Variants in SPATA17 observed in about 807,000 individuals in gnomAD.
The protein encoded by SPATA17 is spermatogenesis associated 17.
A neutral mutation model predicts 62.2 loss-of-function variants in SPATA17; 53 were observed. That is an observed-to-expected ratio of 0.85 (90% CI 0.68 to 1.07). The LOEUF (loss-of-function observed/expected upper bound fraction) is 1.07, where lower values mean the gene tolerates loss of function less well. Ranked by LOEUF, SPATA17 falls within the 50% of genes least tolerant of loss-of-function variation. SPATA17 has a pLI of 0.00. For missense variants in SPATA17, 466 were observed against 425.5 expected, an observed-to-expected ratio of 1.10 and a Z score of -0.84; for synonymous variants, 146 against 146.8, an observed-to-expected ratio of 0.99 and a Z score of 0.04.
At chr1:217,648,493 C>A (rs1252554555) in intron 1 of SPATA17, among the ~76,000 whole-genome samples, 1 of 152,176 alleles carries the variant, frequency 6.6e-6, no homozygotes, top group Non-Finnish European at 1.5e-5. Context: ...AATATGTGAG[C>A]ATTTTCATCT....
At chr1:217,844,375 C>G (rs1356236452) in intron 9 of SPATA17, among the ~76,000 whole-genome samples, 1 of 151,942 alleles carries the variant, frequency 6.6e-6, no homozygotes, top group Non-Finnish European at 1.5e-5. Flanking sequence ...AGGAGTGGCC[C>G]AGGTAAAAGA....
chr1:217,704,466 G>T (rs1254626760), intron 5 of SPATA17, among the ~76,000 whole-genome samples: 1 of 150,882 alleles, frequency 6.6e-6, no homozygotes, highest in Non-Finnish European at 1.5e-5. Context: ...TAGCCAGGAT[G>T]GTCTCGATCT....
intron 5 of SPATA17, among the ~76,000 whole-genome samples, chr1:217,711,011 T>A (rs1671848831): frequency 6.6e-6 from 1 of 152,232 alleles, no homozygotes; most frequent in South Asian, 2.1e-4. Context: ...CTTGTTATTG[T>A]CAAATAACAT....
intron 3 of SPATA17, among the ~76,000 whole-genome samples, chr1:217,663,619 G>C (rs1247729256): frequency 6.6e-6 from 1 of 151,870 alleles, no homozygotes; most frequent in Non-Finnish European, 1.5e-5. Flanking sequence ...AAAAACTCAG[G>C]CTCATCAGAT....
intron 4 of SPATA17, 100 bp downstream of exon 4, chr1:217,669,183 T>C (rs1670779746): frequency 4.1e-6 from 4 of 968,974 alleles, no homozygotes; most frequent in Non-Finnish European, 6.5e-6. Context: ...ATTTGATTGA[T>C]ATGCTAATGG....
chr1:217,813,349 A>G (rs1674640613), intron 9 of SPATA17, among the ~76,000 whole-genome samples: 1 of 152,198 alleles, frequency 6.6e-6, no homozygotes, highest in African/African-American at 2.4e-5. Flanking sequence ...GTGTGTGGGG[A>G]TCATTACAGC....
intron 9 of SPATA17, among the ~76,000 whole-genome samples, chr1:217,839,755 G>T (rs1267082706): frequency 2.0e-5 from 3 of 151,462 alleles, no homozygotes; most frequent in South Asian, 2.1e-4. Flanking sequence ...AACCATAGTT[G>T]GTGGTTAGGT....
intron 8 of SPATA17, among the ~76,000 whole-genome samples, chr1:217,795,040 T>C (rs1437461637): frequency 6.6e-6 from 1 of 152,216 alleles, no homozygotes; most frequent in East Asian, 1.9e-4. Flanking sequence ...GCTTGTATTT[T>C]CTTTTGTTGT....
intron 6 of SPATA17, among the ~76,000 whole-genome samples, chr1:217,742,558 T>G (rs1275711731): frequency 6.6e-6 from 1 of 152,236 alleles, no homozygotes; most frequent in Non-Finnish European, 1.5e-5. Flanking sequence ...TTAACAAAAT[T>G]GCTTCAGGAA....
chr1:217,708,693 A>G (rs1671792356), intron 5 of SPATA17, among the ~76,000 whole-genome samples: 1 of 152,140 alleles, frequency 6.6e-6, no homozygotes, highest in Non-Finnish European at 1.5e-5. Flanking sequence ...AGGCAGCATC[A>G]TCTTGATACC....
rs116437000 is a variant in SPATA17, at chr1:217,850,798, T to C, written c.1006-11976T>C. Reference sequence around the variant, plus strand: ...ATATTTGAATGTGGTAGATGTAGGATATAAACACAAAAGCCTGAATTCTTC... The same window carrying C: ...ATATTTGAATGTGGTAGATGTAGGACATAAACACAAAAGCCTGAATTCTTC... On this transcript the variant is annotated intron_variant, in intron 9 of 10. Transcript: ENST00000366933. Among the ~76,000 whole-genome samples the C allele has an allele frequency of 4.5e-3, 690 of 152,262 alleles. 6 individuals are homozygous for C. Among genetic ancestry groups the C allele is most frequent in the Non-Finnish European group, 8.4e-3 (569 of 68,006 alleles).
chr1:217,660,939 C>T (rs749306995), intron 3 of SPATA17, among the ~76,000 whole-genome samples: 2 of 152,124 alleles, frequency 1.3e-5, no homozygotes, highest in African/African-American at 4.8e-5. Context: ...ATGTTTGGAG[C>T]TTTTGGAGTT....
intron 7 of SPATA17, 91 bp downstream of exon 7, chr1:217,774,628 T>G (rs1300405992): frequency 1.9e-6 from 2 of 1,051,538 alleles, no homozygotes; most frequent in African/African-American, 3.2e-5. Flanking sequence ...TTTAACCATT[T>G]TTAATTATAT....
intron 8 of SPATA17, among the ~76,000 whole-genome samples, chr1:217,790,963 T>C (rs1673983620): frequency 6.6e-6 from 1 of 152,212 alleles, no homozygotes; most frequent in Non-Finnish European, 1.5e-5. Flanking sequence ...TGTAGTTTTT[T>C]CAGACACTTT....
chr1:217,772,534 A>G (rs1009315284), intron 6 of SPATA17, among the ~76,000 whole-genome samples: 1 of 152,004 alleles, frequency 6.6e-6, no homozygotes. Flanking sequence ...CTGTTCTGTT[A>G]AAAAAAAGAA....
At chr1:217,845,445 G>C (rs545123401) in intron 9 of SPATA17, among the ~76,000 whole-genome samples, 3 of 152,168 alleles carry the variant, frequency 2.0e-5, no homozygotes, top group African/African-American at 7.2e-5. Context: ...ATTGATGGAA[G>C]AGATGGGAAA....
At chr1:217,812,774 A>C (rs1674623401) in intron 9 of SPATA17, among the ~76,000 whole-genome samples, 1 of 152,228 alleles carries the variant, frequency 6.6e-6, no homozygotes, top group South Asian at 2.1e-4. Flanking sequence ...CAAAACATTC[A>C]CATATGTTCA....
rs908277874 is a variant in SPATA17, at chr1:217,730,286, C to T, written c.396-11689C>T. Among the ~76,000 whole-genome samples the T allele has an allele frequency of 3.3e-4, 50 of 150,658 alleles. 1 individual carries two copies. The highest frequency in any genetic ancestry group is 3.8e-4 in the Non-Finnish European group (26 of 67,848). Reference sequence around the variant, plus strand: ...AGGCTACAGTGCAATGGCGTGATCTCGGCTCACTGCAACCTCTGTCTCCCG... The same window carrying T: ...AGGCTACAGTGCAATGGCGTGATCTTGGCTCACTGCAACCTCTGTCTCCCG... On this transcript the variant is annotated intron_variant, in intron 5 of 10. Transcript: ENST00000366933.
intron 9 of SPATA17, among the ~76,000 whole-genome samples, chr1:217,826,058 G>T (rs1435638706): frequency 5.9e-5 from 9 of 152,076 alleles, no homozygotes; most frequent in Non-Finnish European, 1.2e-4. Flanking sequence ...TCAGGCTGCT[G>T]TAACAATATA....
Sources: allele counts gnomAD v4.1 joint callset (sites outside exome capture counted in the v4.1 genomes callset), GRCh38; gene constraint gnomAD v4.1.1; transcripts MANE v1.5; gene names NCBI Gene and HGNC (gene_info 2026-07-23, HGNC 2026-07-21).